The following MAP2K5 variants were observed in gnomAD, a reference collection of about 807,000 sequenced individuals.
MAP2K5 encodes mitogen-activated protein kinase kinase 5, also known as dual specificity mitogen-activated protein kinase kinase 5.
A neutral mutation model predicts 83.1 loss-of-function variants in MAP2K5; 49 were observed. The ratio of observed to expected loss-of-function variants is 0.59; its 90% confidence interval spans 0.47 to 0.75. The LOEUF is 0.75. Ranked by LOEUF, MAP2K5 falls within the 30% of genes least tolerant of loss-of-function variation. MAP2K5 has a pLI of 0.00. For synonymous variants in MAP2K5, 202 were observed against 191.8 expected (o/e 1.05, Z -0.44); for missense variants, 457 against 557.5 (o/e 0.82, Z 1.82).
At position 67,628,474 on chromosome 15, in the gene MAP2K5, C is replaced by T; in HGVS notation, c.546-2414C>T. ...CAGCCTGGGCGACAGAGCGAGACTC[C>T]ATCTAAAAAAAAATAAAAATAAAAA... is the stretch of plus-strand genomic sequence containing the variant. On this transcript the variant is annotated intron_variant, in intron 8 of 21. Transcript: ENST00000178640. The T allele has an allele frequency of 1.7e-5, 10 of 603,324 alleles. 1 individual carries two copies. In the South Asian group the frequency reaches 2.0e-4, roughly 12 times the overall value. The allele number at this position is 603,324 out of a possible 1,614,324, so 37.4% of individuals were successfully genotyped here. A position where few individuals can be genotyped will look rare whatever the true frequency, so the allele number is the denominator to read the frequency against.
chr15:67,675,624 C>T (rs1449199767), intron 13 of MAP2K5, among the ~76,000 whole-genome samples: 2 of 152,182 alleles, frequency 1.3e-5, no homozygotes, highest in African/African-American at 4.8e-5. Flanking sequence ...TGTATTATTT[C>T]TTACCATTGT....
intron 16 of MAP2K5, among the ~76,000 whole-genome samples, chr15:67,725,951 G>A (rs980559506): frequency 1.3e-5 from 2 of 152,140 alleles, no homozygotes; most frequent in African/African-American, 2.4e-5. Context: ...TTCCCTCCCC[G>A]TACATAGACA....
rs1299109519 is a variant in MAP2K5 at position 67,546,696 on chromosome 15, TGA to T, written c.135+3233_135+3234del. The T allele has an allele frequency of 5.4e-6, 4 of 736,664 alleles. No individual in the cohort carries two copies. In the African/African-American group the frequency reaches 7.6e-5, roughly 14 times the overall value. 45.6% of individuals were successfully genotyped at this position (736,664 alleles called of 1,614,324 possible). A position where few individuals can be genotyped will look rare whatever the true frequency, so the allele number is the denominator to read the frequency against. On this transcript the variant is annotated intron_variant, in intron 1 of 21. Transcript: ENST00000178640. ...TACAAGAGGTCTGGTTAGTGTGTGA[TGA>T]GAGAGAATGCCCAACCCTCTCCCCT...
Position 67,637,597 on chromosome 15 carries a change from T to G in MAP2K5, c.585+6670T>G, listed in dbSNP as rs920790229. ...GCCTCAGGTGATCTCCTGACATCTA[T>G]GTACAGATCATTCATTACTCAGCTG... On this transcript the variant is annotated intron_variant, in intron 9 of 21. Transcript: ENST00000178640. The surrounding 1 kb of genome is among the most constrained non-coding windows in gnomAD (Gnocchi z 4.5). Among the ~76,000 whole-genome samples, 3 of 152,144 alleles carry G rather than the reference T, an allele frequency of 2.0e-5. No homozygotes were observed. Among genetic ancestry groups the G allele is most frequent in the Admixed American group, 6.6e-5 (1 of 15,266 alleles).
At position 67,676,587 on chromosome 15, in the gene MAP2K5, G is replaced by A. The variant is rs1342438519; in HGVS notation, c.847+11942G>A. On this transcript the variant is annotated intron_variant, in intron 13 of 21. Transcript: ENST00000178640. This position sits in a 1 kb window ranked among gnomAD's most constrained non-coding sequence, Gnocchi z 4.8. ...GCTGGTGGAAGATTAAGTTCCTTCT[G>A]GATTGGGTACAATCATAATGATAAC... 6.6e-6 allele frequency among the ~76,000 whole-genome samples: 1 copy of A among 152,050 alleles called. No homozygotes were observed. The highest frequency in any genetic ancestry group is 1.5e-5 in the Non-Finnish European group (1 of 68,010).
intron 3 of MAP2K5, among the ~76,000 whole-genome samples, chr15:67,569,200 A>G (rs1342841761): frequency 6.6e-6 from 1 of 152,158 alleles, no homozygotes; most frequent in African/African-American, 2.4e-5. Flanking sequence ...TTAGAAGCTC[A>G]TTTTCCACAT....
At chr15:67,742,976 A>G (rs746499772) in intron 17 of MAP2K5, among the ~76,000 whole-genome samples, 4 of 152,150 alleles carry the variant, frequency 2.6e-5, no homozygotes, top group Non-Finnish European at 4.4e-5. Flanking sequence ...CAGCTGTTGT[A>G]TTTTGTGTGA....
rs933780008 is a variant in MAP2K5 at position 67,777,964 on chromosome 15, G to A, written c.1242+5212G>A. The stretch of plus-strand genomic sequence containing the variant: ...GTGGCATTAGAAATACAACAAGTTG[G>A]CATGGGTCCTAGAAGGCGGGGTATC... On this transcript the variant is annotated intron_variant, in intron 21 of 21. Transcript: ENST00000178640. The surrounding 1 kb of genome is among the most constrained non-coding windows in gnomAD (Gnocchi z 6.0). Among the ~76,000 whole-genome samples, 5 of 152,196 alleles carry A rather than the reference G, an allele frequency of 3.3e-5. No individual in the cohort carries two copies. The highest frequency in any genetic ancestry group is 1.2e-4 in the African/African-American group (5 of 41,452).
intron 17 of MAP2K5, among the ~76,000 whole-genome samples, chr15:67,741,779 G>C (rs2089498590): frequency 6.6e-6 from 1 of 152,116 alleles, no homozygotes. Context: ...ACATTGTGGA[G>C]ACATGACTGC....
At chr15:67,731,583 C>A (rs899447720) in intron 17 of MAP2K5, among the ~76,000 whole-genome samples, 22 of 152,164 alleles carry the variant, frequency 1.4e-4, no homozygotes, top group African/African-American at 4.8e-4. Flanking sequence ...GTCTTGGCTT[C>A]ACCTGGCACC....
rs2090407070 is a variant in MAP2K5 at position 67,785,859 on chromosome 15, T to C, written c.1242+13107T>C. Among the ~76,000 whole-genome samples, 2 of 152,142 alleles carry C rather than the reference T, an allele frequency of 1.3e-5. No individual in the cohort carries two copies. Among genetic ancestry groups the C allele is most frequent in the South Asian group, 4.1e-4 (2 of 4,826 alleles). ...GCAACCTGGGAAACTGGAAAGAGAT[T>C]GAATTGGATGTCAGAAAATATAGCT... On this transcript the variant is annotated intron_variant, in intron 21 of 21. Coordinates refer to ENST00000178640, the MANE Select transcript of MAP2K5 (RefSeq NM_145160.3). The surrounding 1 kb of genome is among the most constrained non-coding windows in gnomAD (Gnocchi z 4.4).
At chr15:67,670,709 G>A (rs1165920027) in intron 13 of MAP2K5, among the ~76,000 whole-genome samples, 1 of 151,498 alleles carries the variant, frequency 6.6e-6, no homozygotes, top group Non-Finnish European at 1.5e-5. Context: ...AAAACAGCCA[G>A]CCAACCCCCC....
At chr15:67,792,156 G>A (rs1279046399) in intron 21 of MAP2K5, among the ~76,000 whole-genome samples, 5 of 152,200 alleles carry the variant, frequency 3.3e-5, no homozygotes, top group Admixed American at 3.3e-4. Context: ...AAGGAACTGT[G>A]TTGAAGGGTT....
chr15:67,729,587 G>C (rs1403411169), intron 17 of MAP2K5, among the ~76,000 whole-genome samples: 1 of 151,926 alleles, frequency 6.6e-6, no homozygotes, highest in Non-Finnish European at 1.5e-5. Context: ...TGGCTAACAT[G>C]GTGAAACCCC....
rs929389345 is a variant in MAP2K5, at chr15:67,770,124, C to T, written c.1196+461C>T. Among the ~76,000 whole-genome samples the T allele has an allele frequency of 6.6e-6, 1 of 152,078 alleles. No homozygotes were observed. The highest frequency in any genetic ancestry group is 2.1e-4 in the South Asian group (1 of 4,832). On this transcript the variant is annotated intron_variant, in intron 20 of 21. Transcript: ENST00000178640. The surrounding 1 kb of genome is among the most constrained non-coding windows in gnomAD (Gnocchi z 5.0). ...TTTATCTTTGGTTGTATTTTAAATA[C>T]AATACTGGGGTACCATTTCAATGAA...
chr15:67,803,680 G>A (rs962573065), intron 21 of MAP2K5, among the ~76,000 whole-genome samples: 4 of 152,212 alleles, frequency 2.6e-5, no homozygotes, highest in African/African-American at 9.7e-5. Context: ...ATGGGAGGAG[G>A]GGGAGTCAGT....
intron 13 of MAP2K5, among the ~76,000 whole-genome samples, chr15:67,675,659 G>A (rs1280656125): frequency 6.6e-6 from 1 of 152,122 alleles, no homozygotes; most frequent in African/African-American, 2.4e-5. Flanking sequence ...AGATAACTGT[G>A]TAAATCTATA....
chr15:67,592,862 G>A (rs1362834851), intron 6 of MAP2K5, 64 bp from the exon 7 acceptor site: 3 of 1,096,780 alleles, frequency 2.7e-6, no homozygotes, highest in Non-Finnish European at 2.8e-6. Context: ...TTTCAGTCTG[G>A]AATTTTCAGT....
Position 67,777,950 on chromosome 15 carries a change from A to G in MAP2K5, c.1242+5198A>G, listed in dbSNP as rs2090266873. Reference sequence around the variant, plus strand: ...ACAGCAAGTAAATAGTGGCATTAGAAATACAACAAGTTGGCATGGGTCCTA... The same window carrying G: ...ACAGCAAGTAAATAGTGGCATTAGAGATACAACAAGTTGGCATGGGTCCTA... On this transcript the variant is annotated intron_variant, in intron 21 of 21. Coordinates refer to ENST00000178640, the MANE Select transcript of MAP2K5 (RefSeq NM_145160.3). This position sits in a 1 kb window ranked among gnomAD's most constrained non-coding sequence, Gnocchi z 6.0. 1.3e-5 allele frequency among the ~76,000 whole-genome samples: 2 copies of G among 152,232 alleles called. No individual in the cohort carries two copies. Among genetic ancestry groups the G allele is most frequent in the South Asian group, 4.1e-4 (2 of 4,834 alleles).
Sources: allele counts gnomAD v4.1 joint callset (sites outside exome capture counted in the v4.1 genomes callset), GRCh38; gene constraint gnomAD v4.1.1; non-coding constraint Gnocchi (gnomAD v3.1); transcripts MANE v1.5; gene names NCBI Gene and HGNC (gene_info 2026-07-23, HGNC 2026-07-21).